FAAH2: variants seen among roughly 807,000 people sequenced by gnomAD.
The protein encoded by FAAH2 is fatty acid amide hydrolase 2, also known as fatty-acid amide hydrolase 2.
FAAH2 carries 60 observed loss-of-function variants against 36.9 expected under a neutral mutation model. That is an observed-to-expected ratio of 1.63 (90% CI 1.32 to 2.02). The LOEUF (loss-of-function observed/expected upper bound fraction) is 2.02, where lower values mean the gene tolerates loss of function less well. FAAH2 is among the 30% of genes most tolerant of loss of function. The pLI, the probability that FAAH2 is intolerant of heterozygous loss-of-function variation, is 0.00. For missense variants in FAAH2, 689 were observed against 397.5 expected (o/e 1.73, Z -6.23); for synonymous variants, 214 against 143.8 (o/e 1.49, Z -3.49).
At chrX:57,442,633 T>C (rs1193174130) in intron 8 of FAAH2, among the ~76,000 whole-genome samples, 1 of 112,115 alleles carries the variant, frequency 8.9e-6, no homozygotes, top group African/African-American at 3.2e-5. Flanking sequence ...TTGTTATGTG[T>C]CAATTTGATT....
the FAAH2 span, among the ~76,000 whole-genome samples, chrX:57,207,698 G>C: frequency 8.9e-6 from 1 of 112,447 alleles, no homozygotes; most frequent in Non-Finnish European, 1.9e-5. Flanking sequence ...AATGACTCCT[G>C]TTTGTACTTG....
At chrX:57,431,031 T>C (rs2056281588) in intron 7 of FAAH2, among the ~76,000 whole-genome samples, 1 of 111,760 alleles carries the variant, frequency 8.9e-6, no homozygotes, top group African/African-American at 3.3e-5. Flanking sequence ...TTCTAAACTT[T>C]TTTTAGAGTA....
intron 2 of FAAH2, among the ~76,000 whole-genome samples, chrX:57,309,869 A>C (rs1384452844): frequency 8.9e-6 from 1 of 111,796 alleles, no homozygotes; most frequent in African/African-American, 3.3e-5. Context: ...TTACTATTGT[A>C]AATAGTGGCG....
the FAAH2 span, among the ~76,000 whole-genome samples, chrX:57,262,623 G>A: frequency 9.0e-6 from 1 of 111,417 alleles, no homozygotes; most frequent in Non-Finnish European, 1.9e-5. Context: ...TATGAAGGTA[G>A]TATTACTCTG....
chrX:57,303,055 C>A (rs2052422263), intron 2 of FAAH2, among the ~76,000 whole-genome samples: 1 of 110,771 alleles, frequency 9.0e-6, no homozygotes, highest in South Asian at 3.9e-4. Flanking sequence ...GAAGTTTGGG[C>A]AATGCTAATG....
In FAAH2 at chrX:57,472,955, A is replaced by G. The variant is rs368499958; in HGVS notation, c.1424-15802A>G. ...CATTAGTCCTGCTAGGGGTCTGTCA[A>G]GTTTTTTTCTAATGCTTTCAAAGAA... On this transcript the variant is annotated intron_variant, in intron 10 of 10. Coordinates refer to ENST00000374900, the MANE Select transcript of FAAH2 (RefSeq NM_174912.4). Among the ~76,000 whole-genome samples, 16 of 110,298 alleles carry G rather than the reference A, an allele frequency of 1.5e-4. No homozygotes were observed. In the East Asian group the frequency reaches 4.6e-3, roughly 31 times the overall value.
chrX:57,483,774 G>A (rs1235947657), intron 10 of FAAH2, among the ~76,000 whole-genome samples: 3 of 97,805 alleles, frequency 3.1e-5, no homozygotes, highest in Non-Finnish European at 6.0e-5. Flanking sequence ...TGCACTGGGG[G>A]CAACTTTTTT....
chrX:57,148,058 G>A, the FAAH2 span, among the ~76,000 whole-genome samples: 2 of 111,563 alleles, frequency 1.8e-5, no homozygotes, highest in Non-Finnish European at 3.8e-5. Context: ...TGTTGTCAAA[G>A]ATCAGATAGT....
rs1005193590 is a variant in FAAH2 at position 57,299,303 on chromosome X, C to T, written c.275+6723C>T. Among the ~76,000 whole-genome samples, 18 of 111,622 alleles carry T rather than the reference C, an allele frequency of 1.6e-4. 1 individual carries two copies. Among genetic ancestry groups the T allele is most frequent in the Non-Finnish European group, 2.8e-4 (15 of 53,046 alleles). On this transcript the variant is annotated intron_variant, in intron 2 of 10. Coordinates refer to ENST00000374900, the MANE Select transcript of FAAH2 (RefSeq NM_174912.4). ...CTGGGATGCAAGGCTGGTTCAACAT[C>T]GGAAAACGAATAAAGTTAATTCAGC...
At chrX:57,164,958 T>G in the FAAH2 span, among the ~76,000 whole-genome samples, 1 of 112,454 alleles carries the variant, frequency 8.9e-6, no homozygotes, top group African/African-American at 3.2e-5. Context: ...ATAATAGCCA[T>G]ACGGATCTAC....
chrX:57,463,524 T>A (rs2056996940), intron 10 of FAAH2, among the ~76,000 whole-genome samples: 1 of 111,169 alleles, frequency 9.0e-6, no homozygotes, highest in Non-Finnish European at 1.9e-5. Flanking sequence ...AACCATCTGA[T>A]CATCGACAAA....
At chrX:57,159,016 T>C in the FAAH2 span, among the ~76,000 whole-genome samples, 5 of 112,577 alleles carry the variant, frequency 4.4e-5, no homozygotes, top group East Asian at 8.3e-4. Context: ...GAATTAATTT[T>C]CGTATAAGGT....
the FAAH2 span, among the ~76,000 whole-genome samples, chrX:57,233,238 T>G: frequency 5.4e-5 from 6 of 111,294 alleles, no homozygotes; most frequent in Admixed American, 5.7e-4. Context: ...TGTGGGAGAG[T>G]TGGCATTTTA....
At chrX:57,442,122 G>T (rs1433402283) in intron 8 of FAAH2, among the ~76,000 whole-genome samples, 1 of 111,107 alleles carries the variant, frequency 9.0e-6, no homozygotes, top group Non-Finnish European at 1.9e-5. Flanking sequence ...ATGTCTATTA[G>T]GTCCGCTTGG....
chrX:57,231,005 C>T, the FAAH2 span, among the ~76,000 whole-genome samples: 2 of 103,412 alleles, frequency 1.9e-5, no homozygotes, highest in African/African-American at 7.2e-5. Flanking sequence ...AATTTGAGGT[C>T]GAGGATAATG....
the FAAH2 span, among the ~76,000 whole-genome samples, chrX:57,212,320 A>G: frequency 7.1e-5 from 8 of 112,284 alleles, no homozygotes; most frequent in African/African-American, 2.6e-4. Context: ...ACCAGATGCT[A>G]TGACACCTCC....
At chrX:57,458,413 A>AGGCAGGAGAATCGCTTGG (rs2056898904) in intron 10 of FAAH2, among the ~76,000 whole-genome samples, 2 of 111,349 alleles carry the variant, frequency 1.8e-5, no homozygotes, top group Non-Finnish European at 3.8e-5. Flanking sequence ...GAATCGCTTG[A>AGGCAGGAGAATCGCTTGG]ACCCAGGAGG....
chrX:57,440,361 C>A (rs2056522776), intron 8 of FAAH2, among the ~76,000 whole-genome samples: 1 of 111,223 alleles, frequency 9.0e-6, no homozygotes, highest in African/African-American at 3.3e-5. Flanking sequence ...CTCTTTGAAA[C>A]AATTGTAAAT....
chrX:57,247,729 C>T, the FAAH2 span, among the ~76,000 whole-genome samples: 1 of 112,018 alleles, frequency 8.9e-6, no homozygotes, highest in Non-Finnish European at 1.9e-5. Context: ...AAGTAATACA[C>T]ATCGCTTTCA....
Sources: gnomAD v4.1 joint callset for allele counts (sites outside exome capture counted in the v4.1 genomes callset) on GRCh38, gnomAD v4.1.1 for gene constraint, MANE v1.5 for transcripts, NCBI Gene and HGNC (gene_info 2026-07-23, HGNC 2026-07-21) for gene names.